RNGTT: variants seen among roughly 807,000 people sequenced by gnomAD.
The protein encoded by RNGTT is mRNA-capping enzyme.
In RNGTT, 33 loss-of-function variants were observed where a neutral mutation model predicts 79.3. The ratio of observed to expected loss-of-function variants is 0.42; its 90% CI spans 0.32 to 0.56. RNGTT has a LOEUF of 0.56. Among genes scored for constraint, RNGTT ranks in the 20% least tolerant of loss-of-function variants. RNGTT has a pLI of 0.17. For synonymous variants in RNGTT, 222 were observed against 235.9 expected (o/e 0.94, Z 0.54); for missense variants, 497 against 739.1 (o/e 0.67, Z 3.80).
In RNGTT at chr6:88,610,961, T is replaced by C. The variant is rs984100783; in HGVS notation, c.*1758A>G. ...AGTTGCATAGGCATTTTTTTTTTAA[T>C]CCATTTTGTAAAAGATACTATGGAA... On this transcript the variant is annotated 3_prime_UTR_variant, in exon 16 of 16. Coordinates refer to ENST00000369485, the MANE Select transcript of RNGTT (RefSeq NM_003800.5). 2 of 152,112 alleles carry C rather than the reference T, an allele frequency of 1.3e-5. No individual in the cohort carries two copies. The highest frequency in any genetic ancestry group is 4.8e-5 in the African/African-American group (2 of 41,408). The allele number at this position is 152,112 out of a possible 1,614,324, so 9.4% of individuals were successfully genotyped here. A position where few individuals can be genotyped will look rare whatever the true frequency, so the allele number is the denominator to read the frequency against.
intron 10 of RNGTT, among the ~76,000 whole-genome samples, chr6:88,845,793 C>T (rs1218936396): frequency 1.3e-5 from 2 of 152,126 alleles, no homozygotes; most frequent in African/African-American, 4.8e-5. Context: ...GTTCTCTTTA[C>T]ATAAAGGCAT....
intron 13 of RNGTT, among the ~76,000 whole-genome samples, chr6:88,736,758 G>T (rs759150028): frequency 2.6e-5 from 4 of 152,216 alleles, no homozygotes; most frequent in African/African-American, 4.8e-5. Context: ...TACACTGCCA[G>T]TGTGAACTGT....
chr6:88,740,705 G>A (rs950729152), intron 13 of RNGTT, among the ~76,000 whole-genome samples: 1 of 151,992 alleles, frequency 6.6e-6, no homozygotes, highest in Admixed American at 6.6e-5. Context: ...AGTGGAAGGT[G>A]AACAATGAGA....
chr6:88,888,120 A>G (rs1782928586), intron 8 of RNGTT, among the ~76,000 whole-genome samples: 1 of 152,198 alleles, frequency 6.6e-6, no homozygotes, highest in Non-Finnish European at 1.5e-5. Flanking sequence ...CCTGTCTCAA[A>G]AAAATAAGAT....
intron 2 of RNGTT, among the ~76,000 whole-genome samples, chr6:88,932,019 T>C (rs1326055622): frequency 2.0e-5 from 3 of 152,064 alleles, no homozygotes; most frequent in Non-Finnish European, 2.9e-5. Flanking sequence ...TCTAACTGCC[T>C]GGGAGCCAGG....
At chr6:88,748,983 T>G (rs542480679) in intron 13 of RNGTT, among the ~76,000 whole-genome samples, 1 of 152,062 alleles carries the variant, frequency 6.6e-6, no homozygotes, top group Non-Finnish European at 1.5e-5. Context: ...ACCTTTCTTT[T>G]GGGGTAAGAA....
At chr6:88,816,374 G>A (rs1780315416) in intron 11 of RNGTT, among the ~76,000 whole-genome samples, 1 of 152,014 alleles carries the variant, frequency 6.6e-6, no homozygotes, top group African/African-American at 2.4e-5. Flanking sequence ...CAGTATATGG[G>A]GACATATATG....
intron 14 of RNGTT, among the ~76,000 whole-genome samples, chr6:88,673,208 A>G (rs2610723): frequency 0.27 from 40,644 of 152,154 alleles, 9,530 homozygotes; most frequent in African/African-American, 0.63. Context: ...GAACAATTTC[A>G]TATCCTGATT....
chr6:88,954,905 T>C (rs773741279), intron 1 of RNGTT, among the ~76,000 whole-genome samples: 2 of 151,686 alleles, frequency 1.3e-5, no homozygotes, highest in Non-Finnish European at 2.9e-5. Context: ...TAGCCAGCCA[T>C]GTACTAAAAA....
At chr6:88,674,458 G>A (rs1694300282) in intron 14 of RNGTT, among the ~76,000 whole-genome samples, 1 of 152,062 alleles carries the variant, frequency 6.6e-6, no homozygotes, top group Non-Finnish European at 1.5e-5. Context: ...AGGATCACCT[G>A]AGCCTGAGAG....
intron 14 of RNGTT, among the ~76,000 whole-genome samples, chr6:88,625,109 C>T (rs1342670217): frequency 2.0e-5 from 3 of 151,752 alleles, no homozygotes; most frequent in Non-Finnish European, 4.4e-5. Flanking sequence ...GGCAACTGAA[C>T]TCTCATATAT....
chr6:88,781,215 C>A (rs1779053069), intron 12 of RNGTT, among the ~76,000 whole-genome samples: 2 of 152,056 alleles, frequency 1.3e-5, no homozygotes, highest in Admixed American at 1.3e-4. Context: ...CTTTATCTAT[C>A]TCATTTGTAA....
chr6:88,639,094 A>C (rs1000930234), intron 14 of RNGTT, among the ~76,000 whole-genome samples: 1 of 152,188 alleles, frequency 6.6e-6, no homozygotes, highest in East Asian at 1.9e-4. Flanking sequence ...AAATATTAGA[A>C]CAGACATTTG....
At chr6:88,826,395 T>C (rs1353094908) in intron 11 of RNGTT, among the ~76,000 whole-genome samples, 1 of 152,230 alleles carries the variant, frequency 6.6e-6, no homozygotes, top group Admixed American at 6.5e-5. Flanking sequence ...CTGAAGTAAT[T>C]TCTCAAAGTA....
intron 14 of RNGTT, among the ~76,000 whole-genome samples, chr6:88,620,581 C>G (rs1250469696): frequency 6.6e-6 from 1 of 152,016 alleles, no homozygotes; most frequent in African/African-American, 2.4e-5. Context: ...TACGTTTCAC[C>G]AATGATGATA....
At chr6:88,789,802 G>A (rs962827100) in intron 12 of RNGTT, among the ~76,000 whole-genome samples, 1 of 152,178 alleles carries the variant, frequency 6.6e-6, no homozygotes, top group African/African-American at 2.4e-5. Flanking sequence ...TGTGGTACCA[G>A]AGGATGGATA....
chr6:88,935,266 A>G (rs1005638005), intron 2 of RNGTT, among the ~76,000 whole-genome samples: 1 of 152,244 alleles, frequency 6.6e-6, no homozygotes, highest in East Asian at 1.9e-4. Flanking sequence ...TGGATTCTCT[A>G]TTCTGTTCCA....
intron 4 of RNGTT, among the ~76,000 whole-genome samples, chr6:88,921,319 T>TAA (rs879797651): frequency 7.6e-5 from 11 of 145,126 alleles, no homozygotes; most frequent in Admixed American, 2.1e-4. Flanking sequence ...ACCTGGTCTT[T>TAA]AAAAAAAAAA....
intron 13 of RNGTT, among the ~76,000 whole-genome samples, chr6:88,758,260 C>A (rs1778087227): frequency 6.6e-6 from 1 of 151,982 alleles, no homozygotes; most frequent in Non-Finnish European, 1.5e-5. Context: ...AAGAAATTAC[C>A]AAAATTAATT....
Sources: allele counts gnomAD v4.1 joint callset (sites outside exome capture counted in the v4.1 genomes callset), GRCh38; gene constraint gnomAD v4.1.1; transcripts MANE v1.5; gene names NCBI Gene and HGNC (gene_info 2026-07-23, HGNC 2026-07-21).